KIAA0825: variants seen among roughly 807,000 people sequenced by gnomAD.
The protein encoded by KIAA0825 is KIAA0825.
A neutral mutation model predicts 147.6 loss-of-function variants in KIAA0825; 119 were observed. The ratio of observed to expected loss-of-function variants is 0.81; its 90% CI spans 0.69 to 0.94. The LOEUF (loss-of-function observed/expected upper bound fraction) is 0.94, where lower values mean the gene tolerates loss of function less well. Ranked by LOEUF, KIAA0825 falls within the 40% of genes least tolerant of loss-of-function variation. KIAA0825 has a pLI of 0.00. For missense variants in KIAA0825, 1,381 were observed against 1,472.7 expected, an observed-to-expected ratio of 0.94 and a Z score of 1.02; for synonymous variants, 470 against 518.1, an observed-to-expected ratio of 0.91 and a Z score of 1.26.
chr5:94,561,360 T>G (rs1168412441), intron 2 of KIAA0825, among the ~76,000 whole-genome samples: 1 of 152,256 alleles, frequency 6.6e-6, no homozygotes, highest in Non-Finnish European at 1.5e-5. Flanking sequence ...TAAAACTGTA[T>G]GTATACTGCT....
chr5:94,285,665 C>T (rs1777637931), intron 20 of KIAA0825, among the ~76,000 whole-genome samples: 1 of 152,130 alleles, frequency 6.6e-6, no homozygotes, highest in African/African-American at 2.4e-5. Flanking sequence ...TAAAGTTTGT[C>T]AGCAGGTTTA....
At chr5:94,613,771 G>C (rs1444082357) in intron 1 of KIAA0825, among the ~76,000 whole-genome samples, 1 of 152,216 alleles carries the variant, frequency 6.6e-6, no homozygotes, top group Non-Finnish European at 1.5e-5. Flanking sequence ...CTCCAGAAGG[G>C]GGTGCCCTTT....
chr5:94,209,939 T>A (rs957402654), intron 20 of KIAA0825, among the ~76,000 whole-genome samples: 1 of 152,230 alleles, frequency 6.6e-6, no homozygotes, highest in Non-Finnish European at 1.5e-5. Flanking sequence ...AAGGGTTTCA[T>A]CTTTGCCCAT....
intron 15 of KIAA0825, chr5:94,415,176 A>C (rs547175315): frequency 6.6e-6 from 1 of 152,258 alleles, no homozygotes; most frequent in East Asian, 1.9e-4. Flanking sequence ...TTTTACCCTA[A>C]AATGATAAGA....
intron 14 of KIAA0825, among the ~76,000 whole-genome samples, chr5:94,420,190 G>A (rs1753990434): frequency 6.6e-6 from 1 of 152,006 alleles, no homozygotes; most frequent in Admixed American, 6.6e-5. Flanking sequence ...GATGAAGCGA[G>A]GCAATCAACA....
chr5:94,311,251 T>TTG (rs1554256619), intron 20 of KIAA0825, among the ~76,000 whole-genome samples: 1 of 151,196 alleles, frequency 6.6e-6, no homozygotes, highest in African/African-American at 2.4e-5. Flanking sequence ...GGGTTTTTTT[T>TTG]TTGTTGTTGT....
chr5:94,154,386 C>T (rs1766837657), intron 20 of KIAA0825, among the ~76,000 whole-genome samples: 1 of 152,150 alleles, frequency 6.6e-6, no homozygotes, highest in South Asian at 2.1e-4. Context: ...AATGAGGTTT[C>T]TGTATTTCAA....
chr5:94,505,638 T>C (rs969547868), intron 5 of KIAA0825, among the ~76,000 whole-genome samples: 12 of 152,142 alleles, frequency 7.9e-5, no homozygotes, highest in Non-Finnish European at 1.6e-4. Context: ...TGTCTTTTTT[T>C]CAAAGATTTG....
intron 7 of KIAA0825, among the ~76,000 whole-genome samples, chr5:94,473,912 T>C (rs1185701198): frequency 6.6e-6 from 1 of 152,218 alleles, no homozygotes; most frequent in Non-Finnish European, 1.5e-5. Flanking sequence ...TTATAGTCTT[T>C]TTTATAGTTT....
chr5:94,350,195 C>T (rs755406865), intron 20 of KIAA0825, among the ~76,000 whole-genome samples: 24 of 152,148 alleles, frequency 1.6e-4, no homozygotes, highest in Non-Finnish European at 2.4e-4. Context: ...TGGATAAATT[C>T]CTGGAAAAAA....
chr5:94,589,029 G>A (rs1392008494), intron 1 of KIAA0825, among the ~76,000 whole-genome samples: 1 of 152,166 alleles, frequency 6.6e-6, no homozygotes, highest in Non-Finnish European at 1.5e-5. Context: ...GGCGGGTGGA[G>A]GGCTGGGGGA....
chr5:94,257,176 T>C (rs1776289127), intron 20 of KIAA0825, among the ~76,000 whole-genome samples: 1 of 152,120 alleles, frequency 6.6e-6, no homozygotes, highest in Admixed American at 6.6e-5. Context: ...AAATAAATAC[T>C]CTCTATAAGA....
chr5:94,485,845 G>A (rs1400876803), intron 5 of KIAA0825, among the ~76,000 whole-genome samples: 1 of 151,270 alleles, frequency 6.6e-6, no homozygotes, highest in African/African-American at 2.4e-5. Flanking sequence ...GGTAGCTATT[G>A]AATCTAGGCT....
intron 1 of KIAA0825, among the ~76,000 whole-genome samples, chr5:94,587,165 T>C (rs187384844): frequency 6.7e-4 from 102 of 152,268 alleles, no homozygotes; most frequent in African/African-American, 2.4e-3. Context: ...TCACTCCTAT[T>C]CAACATAGTA....
At chr5:94,536,624 T>G (rs969213805) in intron 3 of KIAA0825, among the ~76,000 whole-genome samples, 10 of 152,150 alleles carry the variant, frequency 6.6e-5, no homozygotes, top group East Asian at 1.9e-4. Context: ...ATGACCAATA[T>G]TATGCAAAAA....
chr5:94,404,393 T>C (rs1562464196), intron 15 of KIAA0825, among the ~76,000 whole-genome samples: 2 of 152,172 alleles, frequency 1.3e-5, no homozygotes, highest in Admixed American at 6.5e-5. Context: ...ATAATATTAA[T>C]GGTGATTATC....
intron 20 of KIAA0825, among the ~76,000 whole-genome samples, chr5:94,335,051 G>T (rs1007543800): frequency 2.0e-5 from 3 of 152,114 alleles, no homozygotes; most frequent in African/African-American, 7.2e-5. Flanking sequence ...ATTCTTGAAT[G>T]AATTCTATAC....
At chr5:94,176,029 A>G (rs1769063538) in intron 20 of KIAA0825, among the ~76,000 whole-genome samples, 1 of 152,092 alleles carries the variant, frequency 6.6e-6, no homozygotes, top group Non-Finnish European at 1.5e-5. Context: ...TTATTGCTAA[A>G]TCCCCTTGCT....
chr5:94,614,435 T>C (rs960555613), intron 1 of KIAA0825, among the ~76,000 whole-genome samples: 3 of 152,216 alleles, frequency 2.0e-5, no homozygotes, highest in East Asian at 3.8e-4. Flanking sequence ...ACACAGATTA[T>C]TGCTTATCGT....
Sources: allele counts gnomAD v4.1 joint callset (sites outside exome capture counted in the v4.1 genomes callset), GRCh38; gene constraint gnomAD v4.1.1; transcripts MANE v1.5; gene names NCBI Gene and HGNC (gene_info 2026-07-23, HGNC 2026-07-21).